EPS8: variants seen among roughly 807,000 people sequenced by gnomAD.
The protein encoded by EPS8 is EGFR pathway substrate 8, signaling adaptor.
EPS8 carries 42 observed loss-of-function variants against 103.8 expected under a neutral mutation model. The observed-to-expected ratio is 0.40, with a 90% CI of 0.32 to 0.52. The LOEUF is 0.52. Among genes scored for constraint, EPS8 ranks in the 20% least tolerant of loss-of-function variants. The pLI, the probability that EPS8 is intolerant of heterozygous loss-of-function variation, is 0.40. For synonymous variants in EPS8, 344 were observed against 344.6 expected (o/e 1.00, Z 0.02); for missense variants, 969 against 1,005.1 (o/e 0.96, Z 0.49).
At chr12:15,707,773 A>T (rs1946407358) in intron 1 of EPS8, among the ~76,000 whole-genome samples, 1 of 152,166 alleles carries the variant, frequency 6.6e-6, no homozygotes, top group African/African-American at 2.4e-5. Context: ...CAGAGTTACA[A>T]GTCCCCTAGT....
chr12:15,634,072 CT>C (rs1307610102), intron 17 of EPS8, among the ~76,000 whole-genome samples: 1 of 152,158 alleles, frequency 6.6e-6, no homozygotes, highest in Non-Finnish European at 1.5e-5. Flanking sequence ...GCACTCTGAA[CT>C]TTTTTCTCCT....
chr12:15,749,433 T>C lies in EPS8; in HGVS notation c.-22+39728A>G, dbSNP rs945886648. Reference sequence around the variant, plus strand: ...AAATGCTAAGCAAAGGGCCTGCACATAATAGAGCTCAATAATCATTTGCCT... The same window carrying C: ...AAATGCTAAGCAAAGGGCCTGCACACAATAGAGCTCAATAATCATTTGCCT... On this transcript the variant is annotated intron_variant, in intron 1 of 20. Coordinates refer to ENST00000281172, the MANE Select transcript of EPS8 (RefSeq NM_004447.6). The surrounding 1 kb of genome is among the most constrained non-coding windows in gnomAD (Gnocchi z 4.0). Among the ~76,000 whole-genome samples, 2 of 152,196 alleles carry C rather than the reference T, an allele frequency of 1.3e-5. No homozygotes were observed. Among genetic ancestry groups the C allele is most frequent in the African/African-American group, 4.8e-5 (2 of 41,446 alleles).
intron 1 of EPS8, among the ~76,000 whole-genome samples, chr12:15,737,991 T>C (rs1283666852): frequency 1.3e-5 from 2 of 152,102 alleles, no homozygotes; most frequent in East Asian, 3.8e-4. Flanking sequence ...CCACTTTTTA[T>C]ACAAACTTTA....
At chr12:15,741,233 A>G (rs1946818479) in intron 1 of EPS8, among the ~76,000 whole-genome samples, 1 of 152,198 alleles carries the variant, frequency 6.6e-6, no homozygotes, top group African/African-American at 2.4e-5. Context: ...ATAAAGTCCA[A>G]TGGGGTAACA....
rs1417335979 is a variant in EPS8, at chr12:15,688,202, A to C, written c.-21-5230T>G. Among the ~76,000 whole-genome samples the C allele has an allele frequency of 2.6e-5, 4 of 152,242 alleles. No individual in the cohort carries two copies. The highest frequency in any genetic ancestry group is 9.6e-5 in the African/African-American group (4 of 41,474). On this transcript the variant is annotated intron_variant, in intron 1 of 20. Coordinates refer to ENST00000281172, the MANE Select transcript of EPS8 (RefSeq NM_004447.6). The surrounding 1 kb of genome is among the most constrained non-coding windows in gnomAD (Gnocchi z 5.1). Reference sequence around the variant, plus strand: ...CCAGTTCATAAGACATTTTACAAATATCACCTCACTTTATCCTTAAAACAA... The same window carrying C: ...CCAGTTCATAAGACATTTTACAAATCTCACCTCACTTTATCCTTAAAACAA...
Position 15,713,021 on chromosome 12 carries a change from G to A in EPS8, c.-21-30049C>T. Reference sequence around the variant, plus strand: ...TGTACCAAACAAAATTTCTGATTTGGTTTCTCTAGGGCGTTAACTAAGATT... The same window carrying A: ...TGTACCAAACAAAATTTCTGATTTGATTTCTCTAGGGCGTTAACTAAGATT... On this transcript the variant is annotated intron_variant, in intron 1 of 20. Coordinates refer to ENST00000281172, the MANE Select transcript of EPS8 (RefSeq NM_004447.6). This position sits in a 1 kb window ranked among gnomAD's most constrained non-coding sequence, Gnocchi z 4.8. 1 of 985,086 alleles carries A rather than the reference G, an allele frequency of 1.0e-6. No homozygotes were observed. Among genetic ancestry groups the A allele is most frequent in the Non-Finnish European group, 1.2e-6 (1 of 829,672 alleles). 61.0% of individuals were successfully genotyped at this position (985,086 alleles called of 1,614,324 possible).
chr12:15,623,238 TGA>T lies in EPS8; in HGVS notation c.2273_2274del (p.Leu758GlnfsTer2), dbSNP rs1034146086. 6.2e-7 allele frequency: 1 copy of T among 1,613,122 alleles called. No homozygotes were observed. Among genetic ancestry groups the T allele is most frequent in the Non-Finnish European group, 8.5e-7 (1 of 1,179,450 alleles). On this transcript the variant is annotated frameshift_variant, in exon 20 of 21. Coordinates refer to ENST00000281172, the MANE Select transcript of EPS8 (RefSeq NM_004447.6). LOFTEE classifies it high-confidence loss of function. ...GVLNGAQLFS[L>X]NKDELRTVCP... The stretch of plus-strand genomic sequence containing the variant: ...CAGACTGTCCTCAGTTCATCCTTAT[TGA>T]GAGAGAAAAGTTGTGCACCATTTAA...
chr12:15,698,560 A>T lies in EPS8; in HGVS notation c.-21-15588T>A, dbSNP rs972169720. Among the ~76,000 whole-genome samples, 49 of 146,716 alleles carry T rather than the reference A, an allele frequency of 3.3e-4. No homozygotes were observed. Among genetic ancestry groups the T allele is most frequent in the Admixed American group, 6.8e-4 (10 of 14,630 alleles). ...AAAAATAAATCTTCATCCTCTTTAA[A>T]AAAAAAAAAAAAATTTAGCTGCTAA... On this transcript the variant is annotated intron_variant, in intron 1 of 20. Coordinates refer to ENST00000281172, the MANE Select transcript of EPS8 (RefSeq NM_004447.6). This position sits in a 1 kb window ranked among gnomAD's most constrained non-coding sequence, Gnocchi z 4.9.
rs574840592 is a variant in EPS8 at position 15,688,302 on chromosome 12, T to G, written c.-21-5330A>C. Among the ~76,000 whole-genome samples, 29 of 152,142 alleles carry G rather than the reference T, an allele frequency of 1.9e-4. No individual in the cohort carries two copies. The highest frequency in any genetic ancestry group is 2.8e-4 in the Non-Finnish European group (19 of 68,010). ...AAGGCGGTTAAGTCATTTGCCTAAG[T>G]GGTAATGATACGGAAGGGAAGGGAG... On this transcript the variant is annotated intron_variant, in intron 1 of 20. Transcript: ENST00000281172. The surrounding 1 kb of genome is among the most constrained non-coding windows in gnomAD (Gnocchi z 5.1).
Position 15,714,293 on chromosome 12 carries a change from A to C in EPS8, c.-21-31321T>G, listed in dbSNP as rs1278746535. 1.3e-5 allele frequency among the ~76,000 whole-genome samples: 2 copies of C among 152,204 alleles called. No homozygotes were observed. Among genetic ancestry groups the C allele is most frequent in the African/African-American group, 4.8e-5 (2 of 41,462 alleles). ...GAGAGAGAAAAAAGAGCCTATAAAG[A>C]ACATAAAACTAAAAAATCTGTATGT... On this transcript the variant is annotated intron_variant, in intron 1 of 20. Coordinates refer to ENST00000281172, the MANE Select transcript of EPS8 (RefSeq NM_004447.6). This position sits in a 1 kb window ranked among gnomAD's most constrained non-coding sequence, Gnocchi z 4.1.
At chr12:15,687,434 T>C (rs1004062867) in intron 1 of EPS8, among the ~76,000 whole-genome samples, 3 of 152,162 alleles carry the variant, frequency 2.0e-5, no homozygotes, top group African/African-American at 7.2e-5. Flanking sequence ...GGAGTAGTTT[T>C]ATGCCTTTAA....
rs1334324824 is a variant in EPS8 at position 15,706,990 on chromosome 12, G to A, written c.-21-24018C>T. ...GCCTAGTTTCTTCATTTGTAAAGTG[G>A]TTATAGTATCTCTCAAGGTTAAGAA... On this transcript the variant is annotated intron_variant, in intron 1 of 20. Coordinates refer to ENST00000281172, the MANE Select transcript of EPS8 (RefSeq NM_004447.6). This position sits in a 1 kb window ranked among gnomAD's most constrained non-coding sequence, Gnocchi z 5.2. Among the ~76,000 whole-genome samples, 4 of 152,100 alleles carry A rather than the reference G, an allele frequency of 2.6e-5. No homozygotes were observed. The highest frequency in any genetic ancestry group is 9.7e-5 in the African/African-American group (4 of 41,410).
At chr12:15,768,309 G>A (rs898345115) in intron 1 of EPS8, among the ~76,000 whole-genome samples, 1 of 150,694 alleles carries the variant, frequency 6.6e-6, no homozygotes, top group Non-Finnish European at 1.5e-5. Context: ...GTGGTGGCGG[G>A]CACCTGTAAT....
At chr12:15,774,352 G>A (rs1259921647) in intron 1 of EPS8, among the ~76,000 whole-genome samples, 1 of 118,536 alleles carries the variant, frequency 8.4e-6, no homozygotes, top group Non-Finnish European at 1.6e-5. Context: ...CTTGCATACA[G>A]GCCTAGTGTT....
At chr12:15,659,243 A>G (rs12824912) in intron 10 of EPS8, among the ~76,000 whole-genome samples, 20,312 of 152,182 alleles carry the variant, frequency 0.13, 1,736 homozygotes, top group South Asian at 0.22. Flanking sequence ...ACATGGAACT[A>G]GCGTGCTTTA....
rs1947144832 is a variant in EPS8 at position 15,770,651 on chromosome 12, A to G, written c.-22+18510T>C. ...TTATTAAATCTGTGAGATGTTAAAG[A>G]GCATAATCATAGCCCACATTTAAAA... On this transcript the variant is annotated intron_variant, in intron 1 of 20. Transcript: ENST00000281172. Among the ~76,000 whole-genome samples the G allele has an allele frequency of 2.0e-5, 3 of 152,210 alleles. 1 individual carries two copies. In the South Asian group the frequency reaches 6.2e-4, roughly 32 times the overall value.
rs546074856 is a variant in EPS8, at chr12:15,728,656, C to T, written c.-21-45684G>A. Among the ~76,000 whole-genome samples, 6 of 152,174 alleles carry T rather than the reference C, an allele frequency of 3.9e-5. No individual in the cohort carries two copies. The highest frequency in any genetic ancestry group is 7.3e-5 in the Non-Finnish European group (5 of 68,032). On this transcript the variant is annotated intron_variant, in intron 1 of 20. Coordinates refer to ENST00000281172, the MANE Select transcript of EPS8 (RefSeq NM_004447.6). The surrounding 1 kb of genome is among the most constrained non-coding windows in gnomAD (Gnocchi z 4.5). ...ATCACAGATTTTACTATTTACATTTCAGTGAAATATTTATGCTTTGTGACT... is the reference window on the plus strand; with the variant it reads ...ATCACAGATTTTACTATTTACATTTTAGTGAAATATTTATGCTTTGTGACT...
rs1945781976 is a variant in EPS8, at chr12:15,669,747, C to G, written c.283G>C (p.Asp95His). The part of the protein sequence containing the change: ...DDGIRKLKLL[D>H]AKGKVWTQDM... ...TGAGTCCACACTTTGCCCTTGGCAT[C>G]AAGCAATTTCAATTTCCTTATTCCA... Residue 95 changes from aspartate to histidine, a missense_variant, in exon 5 of 21, where the codon GAT becomes CAT. Transcript: ENST00000281172. 6.2e-7 allele frequency: 1 copy of G among 1,613,784 alleles called. No individual in the cohort carries two copies. Among genetic ancestry groups the G allele is most frequent in the Non-Finnish European group, 8.5e-7 (1 of 1,179,844 alleles).
In EPS8 at chr12:15,678,171, T is replaced by TA. The variant is rs113202435; in HGVS notation, c.136+3054dup. Among the ~76,000 whole-genome samples the TA allele has an allele frequency of 1.3e-3, 203 of 151,324 alleles. 2 individuals carry two copies. In the East Asian group the frequency reaches 0.019, roughly 14 times the overall value. ...GATGCTAAACACTCCCAAAGCTACC[T>TA]AAAAAAAAACTTCAACTAGAATCTG... On this transcript the variant is annotated intron_variant, in intron 3 of 20. Coordinates refer to ENST00000281172, the MANE Select transcript of EPS8 (RefSeq NM_004447.6).
Sources: gnomAD v4.1 joint callset for allele counts (sites outside exome capture counted in the v4.1 genomes callset) on GRCh38, gnomAD v4.1.1 for gene constraint, Gnocchi (gnomAD v3.1) non-coding constraint, MANE v1.5 for transcripts, NCBI Gene and HGNC (gene_info 2026-07-23, HGNC 2026-07-21) for gene names.